Variants in EHBP1 observed in about 807,000 individuals in gnomAD.
EHBP1 encodes the protein EH domain-binding protein 1.
In EHBP1, 55 loss-of-function variants were observed where a neutral mutation model predicts 144.0. The ratio of observed to expected loss-of-function variants is 0.38; its 90% CI spans 0.31 to 0.48. The LOEUF (loss-of-function observed/expected upper bound fraction) is 0.48, where lower values mean the gene tolerates loss of function less well. Among genes scored for constraint, EHBP1 ranks in the 20% least tolerant of loss-of-function variants. EHBP1 has a pLI of 0.98. For missense variants in EHBP1, 1,200 were observed against 1,364.2 expected (o/e 0.88, Z 1.90); for synonymous variants, 469 against 472.7 (o/e 0.99, Z 0.10).
chr2:62,985,866 C>G (rs2059166240), intron 15 of EHBP1, among the ~76,000 whole-genome samples: 1 of 152,164 alleles, frequency 6.6e-6, no homozygotes. Flanking sequence ...GTAACCCCCA[C>G]CATACATGGT....
intron 19 of EHBP1, among the ~76,000 whole-genome samples, chr2:63,012,257 T>C (rs2153234201): frequency 6.6e-6 from 1 of 152,134 alleles, no homozygotes; most frequent in Admixed American, 6.6e-5. Flanking sequence ...TAAAACATGA[T>C]ATAACCAAAT....
At chr2:62,861,758 A>G (rs1345258409) in intron 8 of EHBP1, among the ~76,000 whole-genome samples, 2 of 151,864 alleles carry the variant, frequency 1.3e-5, no homozygotes, top group Middle Eastern at 3.2e-3. Context: ...GAAAAAAAAA[A>G]AAAGAAAGAA....
intron 10 of EHBP1, among the ~76,000 whole-genome samples, chr2:62,878,772 G>A (rs999237828): frequency 2.0e-5 from 3 of 152,114 alleles, no homozygotes; most frequent in Non-Finnish European, 2.9e-5. Context: ...ACTTTGGGAG[G>A]CTGAGGTGGG....
At chr2:62,898,060 G>T (rs183131169) in intron 10 of EHBP1, among the ~76,000 whole-genome samples, 6 of 152,076 alleles carry the variant, frequency 3.9e-5, no homozygotes, top group Non-Finnish European at 7.4e-5. Flanking sequence ...GGCGGTGAGC[G>T]GAAAGAAACA....
chr2:62,953,345 T>C (rs1311569323), intron 13 of EHBP1, among the ~76,000 whole-genome samples: 1 of 149,494 alleles, frequency 6.7e-6, no homozygotes, highest in African/African-American at 2.4e-5. Context: ...ACAAGTTAAC[T>C]AACGTATGAT....
intron 10 of EHBP1, among the ~76,000 whole-genome samples, chr2:62,910,044 T>G (rs1474356099): frequency 6.6e-6 from 1 of 152,130 alleles, no homozygotes; most frequent in Non-Finnish European, 1.5e-5. Flanking sequence ...TGTGAGCAAG[T>G]GTGCCTGGCC....
At chr2:62,685,037 T>C (rs1290675448) in intron 1 of EHBP1, among the ~76,000 whole-genome samples, 1 of 151,866 alleles carries the variant, frequency 6.6e-6, no homozygotes, top group Non-Finnish European at 1.5e-5. Context: ...AATGGGGAGA[T>C]GAGAGTCAAA....
At chr2:62,956,098 G>A (rs2057680702) in intron 14 of EHBP1, 1 of 152,536 alleles carries the variant, frequency 6.6e-6, no homozygotes. Context: ...GAGGCCAATA[G>A]GCAAGGTAAC....
chr2:62,915,439 A>AT (rs1200786161), intron 10 of EHBP1, among the ~76,000 whole-genome samples: 1 of 152,106 alleles, frequency 6.6e-6, no homozygotes, highest in Non-Finnish European at 1.5e-5. Context: ...CATGCATCCC[A>AT]TTTTATATGG....
At chr2:62,982,326 A>G (rs1337774161) in intron 15 of EHBP1, among the ~76,000 whole-genome samples, 1 of 152,268 alleles carries the variant, frequency 6.6e-6, no homozygotes, top group Non-Finnish European at 1.5e-5. Context: ...GGTAGCCTGA[A>G]CTTCCCTTTG....
chr2:62,817,893 A>G (rs1352660365), intron 5 of EHBP1, among the ~76,000 whole-genome samples: 1 of 152,074 alleles, frequency 6.6e-6, no homozygotes, highest in Non-Finnish European at 1.5e-5. Flanking sequence ...GCACTTTAGT[A>G]AAATATTCCA....
rs910537208 is a variant in EHBP1, at chr2:62,783,984, A to G, written c.312+12592A>G. 7.2e-5 allele frequency among the ~76,000 whole-genome samples: 11 copies of G among 152,302 alleles called. No individual in the cohort carries two copies. In the South Asian group the frequency reaches 2.3e-3, roughly 32 times the overall value. ...GCTGCTTAGAAATTTCCTCTGCTGG[A>G]TACCCTAAATCATCTCTTTCAAGTT... On this transcript the variant is annotated intron_variant, in intron 5 of 22. Coordinates refer to ENST00000431489, the MANE Select transcript of EHBP1 (RefSeq NM_001142616.3).
chr2:62,916,522 G>C (rs1432074287), intron 10 of EHBP1, among the ~76,000 whole-genome samples: 2 of 151,688 alleles, frequency 1.3e-5, no homozygotes, highest in African/African-American at 4.8e-5. Flanking sequence ...GAACCCTGGA[G>C]GTGGAATTTG....
intron 10 of EHBP1, among the ~76,000 whole-genome samples, chr2:62,891,633 C>T (rs994943580): frequency 1.5e-4 from 23 of 151,954 alleles, no homozygotes; most frequent in African/African-American, 5.1e-4. Context: ...GACATGTAAA[C>T]GCTTCAATAC....
chr2:62,891,071 G>C (rs1290345973), intron 10 of EHBP1, among the ~76,000 whole-genome samples: 1 of 151,706 alleles, frequency 6.6e-6, no homozygotes, highest in African/African-American at 2.4e-5. Context: ...CCAGCTACTC[G>C]GGAGGCTGAG....
chr2:62,897,312 T>A (rs1017839929), intron 10 of EHBP1, among the ~76,000 whole-genome samples: 1 of 152,248 alleles, frequency 6.6e-6, no homozygotes, highest in African/African-American at 2.4e-5. Context: ...TGTGTACATC[T>A]CTATTCCAGT....
intron 14 of EHBP1, among the ~76,000 whole-genome samples, chr2:62,977,182 A>G (rs1459374248): frequency 2.0e-5 from 3 of 151,906 alleles, no homozygotes; most frequent in African/African-American, 7.2e-5. Context: ...TTAAAAAAAA[A>G]AAAAGACATA....
chr2:62,984,606 G>A (rs1332866850), intron 15 of EHBP1, among the ~76,000 whole-genome samples: 1 of 152,184 alleles, frequency 6.6e-6, no homozygotes, highest in Admixed American at 6.5e-5. Context: ...TCTTACAGGT[G>A]TTAGGAAATA....
Position 62,786,264 on chromosome 2 carries a change from T to C in EHBP1, c.312+14872T>C, listed in dbSNP as rs190976392. Among the ~76,000 whole-genome samples, 6 of 152,318 alleles carry C rather than the reference T, an allele frequency of 3.9e-5. No individual in the cohort carries two copies. The East Asian group carries it at 1.2e-3, about 29-fold the overall frequency. On this transcript the variant is annotated intron_variant, in intron 5 of 22. Coordinates refer to ENST00000431489, the MANE Select transcript of EHBP1 (RefSeq NM_001142616.3). The stretch of plus-strand genomic sequence containing the variant: ...TTCATGTGGTATCAAGGCCTCTCCA[T>C]TTCCTCTCTTTCAGTGGGTTAGTGT...
Sources: allele counts gnomAD v4.1 joint callset (sites outside exome capture counted in the v4.1 genomes callset), GRCh38; gene constraint gnomAD v4.1.1; transcripts MANE v1.5; gene names NCBI Gene and HGNC (gene_info 2026-07-23, HGNC 2026-07-21).